Variants in HSD17B12 observed in about 807,000 individuals in gnomAD.
HSD17B12 encodes the protein hydroxysteroid 17-beta dehydrogenase 12.
In HSD17B12, 32 loss-of-function variants were observed where a neutral mutation model predicts 39.3. That is an observed-to-expected ratio of 0.81 (90% CI 0.61 to 1.09). The LOEUF (loss-of-function observed/expected upper bound fraction) is 1.09, where lower values mean the gene tolerates loss of function less well. Ranked by LOEUF, HSD17B12 falls within the 50% of genes least tolerant of loss-of-function variation. HSD17B12 has a pLI of 0.00. For missense variants in HSD17B12, 342 were observed against 382.9 expected, an observed-to-expected ratio of 0.89 and a Z score of 0.89; for synonymous variants, 150 against 146.7, an observed-to-expected ratio of 1.02 and a Z score of -0.16.
At chr11:43,582,257 C>A in the HSD17B12 span, among the ~76,000 whole-genome samples, 1 of 152,230 alleles carries the variant, frequency 6.6e-6, no homozygotes, top group Non-Finnish European at 1.5e-5. Flanking sequence ...CCGACTCAGA[C>A]GCTTAGCAGG....
the HSD17B12 span, among the ~76,000 whole-genome samples, chr11:43,615,662 T>C: frequency 9.9e-5 from 15 of 152,198 alleles, no homozygotes; most frequent in Admixed American, 2.0e-4. Flanking sequence ...GGGTCACATT[T>C]TTTCCCCCTG....
chr11:43,680,754 C>T lies in HSD17B12; in HGVS notation c.-74C>T, dbSNP rs1334716225. ...CCTATTAGTGTCATCCTCACCGTCACGGCCGGCGCCTCCTCCTGGATTCAT... is the reference window on the plus strand; with the variant it reads ...CCTATTAGTGTCATCCTCACCGTCATGGCCGGCGCCTCCTCCTGGATTCAT... On this transcript the variant is annotated 5_prime_UTR_variant, in exon 1 of 11. It adds an upstream start codon to the 5' untranslated region. Transcript: ENST00000278353. 6 of 1,376,612 alleles carry T rather than the reference C, an allele frequency of 4.4e-6. No individual in the cohort carries two copies. The highest frequency in any genetic ancestry group is 3.5e-5 in the South Asian group (3 of 85,766). The allele number at this position is 1,376,612 out of a possible 1,614,324, so 85.3% of individuals were successfully genotyped here.
the HSD17B12 span, among the ~76,000 whole-genome samples, chr11:43,566,067 G>T: frequency 6.6e-6 from 1 of 152,188 alleles, no homozygotes; most frequent in Non-Finnish European, 1.5e-5. Flanking sequence ...ACACTTAACA[G>T]CTATGTTTGA....
chr11:43,621,793 G>A, the HSD17B12 span, among the ~76,000 whole-genome samples: 3 of 152,194 alleles, frequency 2.0e-5, no homozygotes, highest in Non-Finnish European at 4.4e-5. Context: ...GGAGATATTT[G>A]GCCTGAAAGA....
chr11:43,617,988 T>G, the HSD17B12 span, among the ~76,000 whole-genome samples: 1 of 152,180 alleles, frequency 6.6e-6, no homozygotes, highest in African/African-American at 2.4e-5. Context: ...ATGAACAAAA[T>G]AGGTGGTGTT....
chr11:43,777,555 G>A (rs994106558), intron 3 of HSD17B12, among the ~76,000 whole-genome samples: 3 of 152,140 alleles, frequency 2.0e-5, no homozygotes, highest in Admixed American at 2.0e-4. Flanking sequence ...TCTGCAAACA[G>A]GGACAATTTG....
the HSD17B12 span, among the ~76,000 whole-genome samples, chr11:43,664,007 G>A: frequency 2.0e-5 from 3 of 151,884 alleles, no homozygotes; most frequent in East Asian, 5.8e-4. Flanking sequence ...GCGCCACCAT[G>A]CCTGGCTAAT....
the HSD17B12 span, among the ~76,000 whole-genome samples, chr11:43,657,502 G>C: frequency 6.6e-6 from 1 of 152,116 alleles, no homozygotes; most frequent in African/African-American, 2.4e-5. Context: ...AGCCTTGATG[G>C]TCTTTACAAT....
intron 4 of HSD17B12, among the ~76,000 whole-genome samples, chr11:43,814,150 A>T (rs1011145714): frequency 2.4e-4 from 35 of 146,736 alleles, no homozygotes; most frequent in Non-Finnish European, 4.2e-4. Flanking sequence ...TTTGTTTATT[A>T]TTCAGTTATT....
chr11:43,820,240 G>C (rs999236735), intron 6 of HSD17B12, among the ~76,000 whole-genome samples: 2 of 152,146 alleles, frequency 1.3e-5, no homozygotes, highest in Non-Finnish European at 2.9e-5. Context: ...TAGATGTAAG[G>C]TGTGATCTGA....
the HSD17B12 span, among the ~76,000 whole-genome samples, chr11:43,623,068 CA>C: frequency 1.3e-5 from 2 of 151,866 alleles, no homozygotes; most frequent in African/African-American, 4.8e-5. Flanking sequence ...ATAACAATAC[CA>C]ACAAAAAGGA....
chr11:43,738,305 G>A (rs1482375705), intron 1 of HSD17B12, among the ~76,000 whole-genome samples: 1 of 151,938 alleles, frequency 6.6e-6, no homozygotes, highest in Non-Finnish European at 1.5e-5. Flanking sequence ...TTGCTGCACA[G>A]GTCATCTCAT....
the HSD17B12 span, among the ~76,000 whole-genome samples, chr11:43,660,946 G>A: frequency 5.9e-5 from 9 of 152,110 alleles, no homozygotes; most frequent in Non-Finnish European, 1.0e-4. Flanking sequence ...CCAACATGGC[G>A]AAACCCCGTC....
chr11:43,802,894 C>T (rs1258336129), intron 4 of HSD17B12, among the ~76,000 whole-genome samples: 2 of 152,118 alleles, frequency 1.3e-5, no homozygotes, highest in Non-Finnish European at 2.9e-5. Flanking sequence ...TAGTTGGTTG[C>T]AAATCAATAA....
chr11:43,817,557 C>G (rs1951142331), intron 6 of HSD17B12, among the ~76,000 whole-genome samples: 1 of 152,154 alleles, frequency 6.6e-6, no homozygotes, highest in Non-Finnish European at 1.5e-5. Context: ...TTTCATTCTG[C>G]TACATGTGGC....
chr11:43,562,822 C>G, the HSD17B12 span, among the ~76,000 whole-genome samples: 1 of 152,198 alleles, frequency 6.6e-6, no homozygotes, highest in Non-Finnish European at 1.5e-5. Flanking sequence ...GCTTTCACTT[C>G]AACTAGGAAC....
upstream of HSD17B12, chr11:43,680,725 A>G (rs1949733816): frequency 4.9e-6 from 5 of 1,019,210 alleles, no homozygotes; most frequent in Admixed American, 5.4e-5. Flanking sequence ...GTGTCGGAGC[A>G]GCGCCTATTA....
At chr11:43,613,281 A>G in the HSD17B12 span, among the ~76,000 whole-genome samples, 4 of 152,050 alleles carry the variant, frequency 2.6e-5, no homozygotes, top group Non-Finnish European at 5.9e-5. Flanking sequence ...AATCTCAGCT[A>G]CTCGGGAGGC....
intron 1 of HSD17B12, chr11:43,734,600 C>G: frequency 2.8e-6 from 1 of 354,280 alleles, no homozygotes; most frequent in East Asian, 6.6e-5. Flanking sequence ...CACGGGCCAA[C>G]TGGCCACAGC....
Sources: gnomAD v4.1 joint callset for allele counts (sites outside exome capture counted in the v4.1 genomes callset) on GRCh38, gnomAD v4.1.1 for gene constraint, MANE v1.5 for transcripts, NCBI Gene and HGNC (gene_info 2026-07-23, HGNC 2026-07-21) for gene names.